The following FOXJ3 variants were observed in gnomAD, a reference collection of about 807,000 sequenced individuals.
FOXJ3 encodes the protein forkhead box J3.
Under a neutral mutation model 76.1 loss-of-function variants are expected in FOXJ3, and 22 were observed. The observed-to-expected ratio is 0.29, with a 90% CI of 0.21 to 0.41. The LOEUF is 0.41. Among genes scored for constraint, FOXJ3 ranks in the 10% least tolerant of loss-of-function variants. The probability of loss-of-function intolerance (pLI) is 1.00; values close to 1 mark genes in which losing one functional copy is unlikely to be tolerated. For synonymous variants in FOXJ3, 269 were observed against 261.2 expected (o/e 1.03, Z -0.29); for missense variants, 613 against 762.1 (o/e 0.80, Z 2.30).
At chr1:42,226,994 C>G (rs1175778058) in intron 5 of FOXJ3, among the ~76,000 whole-genome samples, 1 of 152,182 alleles carries the variant, frequency 6.6e-6, no homozygotes, top group Non-Finnish European at 1.5e-5. Flanking sequence ...TTACTAGTAT[C>G]TATTATAAGC....
chr1:42,219,859 C>T (rs1388610558), intron 5 of FOXJ3, among the ~76,000 whole-genome samples: 3 of 152,218 alleles, frequency 2.0e-5, no homozygotes, highest in Non-Finnish European at 4.4e-5. Context: ...GTCGAGACTG[C>T]AGTGAGCCAT....
chr1:42,206,182 A>T (rs1434912536), intron 5 of FOXJ3, among the ~76,000 whole-genome samples: 18 of 152,210 alleles, frequency 1.2e-4, no homozygotes, highest in Non-Finnish European at 2.2e-4. Context: ...CCTTTCAGTA[A>T]TAGATATTTA....
intron 5 of FOXJ3, among the ~76,000 whole-genome samples, chr1:42,213,834 G>A (rs894594857): frequency 6.6e-6 from 1 of 152,148 alleles, no homozygotes; most frequent in African/African-American, 2.4e-5. Flanking sequence ...TGGTCAATGG[G>A]TACAAAGTTC....
intron 4 of FOXJ3, among the ~76,000 whole-genome samples, chr1:42,251,491 GGAGA>G (rs1557674421): frequency 6.6e-6 from 1 of 152,074 alleles, no homozygotes; most frequent in Non-Finnish European, 1.5e-5. Context: ...GATACCAGAT[GGAGA>G]GTTTTTAGCA....
intron 11 of FOXJ3, among the ~76,000 whole-genome samples, chr1:42,183,275 C>A (rs1423581219): frequency 2.6e-5 from 3 of 117,458 alleles, no homozygotes; most frequent in African/African-American, 3.4e-5. Context: ...GAGAGGAGAG[C>A]GGAGAGGGTG....
chr1:42,295,519 C>CTTTTTTTT (rs34641810), intron 2 of FOXJ3, among the ~76,000 whole-genome samples: 6 of 79,074 alleles, frequency 7.6e-5, no homozygotes, highest in African/African-American at 2.1e-4. Context: ...CTACAAGTGT[C>CTTTTTTTT]TTTTTTTTTT....
intron 4 of FOXJ3, among the ~76,000 whole-genome samples, chr1:42,250,416 C>A (rs1047130676): frequency 3.9e-5 from 6 of 152,106 alleles, no homozygotes; most frequent in African/African-American, 1.4e-4. Context: ...TGTTTCATGT[C>A]CAGGAACTAT....
At chr1:42,258,566 G>A (rs1650787985) in intron 4 of FOXJ3, among the ~76,000 whole-genome samples, 1 of 152,084 alleles carries the variant, frequency 6.6e-6, no homozygotes, top group Admixed American at 6.6e-5. Flanking sequence ...GCCTGCTTAG[G>A]TCCTTGAAAT....
chr1:42,290,610 TA>T (rs1180679023), intron 2 of FOXJ3, among the ~76,000 whole-genome samples: 1 of 152,190 alleles, frequency 6.6e-6, no homozygotes, highest in African/African-American at 2.4e-5. Flanking sequence ...TGGCTCCTTT[TA>T]AAAGATCCCA....
intron 4 of FOXJ3, among the ~76,000 whole-genome samples, chr1:42,250,996 A>G (rs540605138): frequency 4.8e-4 from 73 of 152,110 alleles, no homozygotes; most frequent in African/African-American, 1.6e-3. Flanking sequence ...CTAAAAGAAA[A>G]AGAGAAAAGA....
At chr1:42,333,380 G>C (rs1483772173) in intron 1 of FOXJ3, among the ~76,000 whole-genome samples, 1 of 151,860 alleles carries the variant, frequency 6.6e-6, no homozygotes, top group Non-Finnish European at 1.5e-5. Flanking sequence ...GAACAAAAAA[G>C]AGCCAAAATA....
intron 6 of FOXJ3, among the ~76,000 whole-genome samples, chr1:42,200,571 T>C (rs1646744591): frequency 6.6e-6 from 1 of 152,092 alleles, no homozygotes; most frequent in Non-Finnish European, 1.5e-5. Flanking sequence ...CTCTGTCTCC[T>C]GGGTTCAAGC....
intron 3 of FOXJ3, among the ~76,000 whole-genome samples, chr1:42,274,317 T>C (rs1652092139): frequency 6.6e-6 from 1 of 152,244 alleles, no homozygotes; most frequent in Non-Finnish European, 1.5e-5. Flanking sequence ...AACATTCTGT[T>C]AGGATAGACT....
chr1:42,260,431 T>C (rs1273568377), intron 4 of FOXJ3, among the ~76,000 whole-genome samples: 3 of 152,198 alleles, frequency 2.0e-5, no homozygotes, highest in Admixed American at 2.0e-4. Context: ...TGAGACGTGG[T>C]GGCTCACACC....
chr1:42,240,032 T>C (rs1240130951), intron 4 of FOXJ3, among the ~76,000 whole-genome samples: 5 of 152,206 alleles, frequency 3.3e-5, no homozygotes, highest in African/African-American at 1.2e-4. Flanking sequence ...ATTTGTGTGT[T>C]TGCTCTTTCA....
intron 2 of FOXJ3, among the ~76,000 whole-genome samples, chr1:42,305,862 G>A (rs1008903482): frequency 1.3e-5 from 2 of 152,190 alleles, no homozygotes; most frequent in Non-Finnish European, 2.9e-5. Context: ...CTAAAAGAGT[G>A]TAATTGGATT....
At chr1:42,302,734 T>C (rs894619892) in intron 2 of FOXJ3, among the ~76,000 whole-genome samples, 3 of 152,232 alleles carry the variant, frequency 2.0e-5, no homozygotes, top group Non-Finnish European at 4.4e-5. Context: ...TCAAATCATT[T>C]AATTTTTTTA....
At chr1:42,317,754 C>CA (rs1655205861) in intron 1 of FOXJ3, among the ~76,000 whole-genome samples, 1 of 151,892 alleles carries the variant, frequency 6.6e-6, no homozygotes, top group South Asian at 2.1e-4. Context: ...AAAAGTTTAG[C>CA]TACAAGTTGT....
chr1:42,240,534 C>T (rs528305690), intron 4 of FOXJ3, among the ~76,000 whole-genome samples: 18 of 152,192 alleles, frequency 1.2e-4, no homozygotes, highest in African/African-American at 2.6e-4. Flanking sequence ...GGAACTGATC[C>T]GACAGTCTAG....
Sources: gnomAD v4.1 joint callset for allele counts (sites outside exome capture counted in the v4.1 genomes callset) on GRCh38, gnomAD v4.1.1 for gene constraint, MANE v1.5 for transcripts, NCBI Gene and HGNC (gene_info 2026-07-23, HGNC 2026-07-21) for gene names.